DNM3: variants seen among roughly 807,000 people sequenced by gnomAD.
DNM3 encodes dynamin 3, also known as dynamin-3.
DNM3 carries 47 observed loss-of-function variants against 101.6 expected under a neutral mutation model. The observed-to-expected ratio is 0.46, with a 90% CI of 0.37 to 0.59. The LOEUF is 0.59. DNM3 is among the 20% of genes least tolerant of loss of function. DNM3 has a pLI of 0.00. For missense variants in DNM3, 849 were observed against 1,085.7 expected, an observed-to-expected ratio of 0.78 and a Z score of 3.06; for synonymous variants, 385 against 387.9, an observed-to-expected ratio of 0.99 and a Z score of 0.09.
intron 1 of DNM3, among the ~76,000 whole-genome samples, chr1:171,847,894 C>CTG (rs1234956839): frequency 5.2e-4 from 73 of 139,692 alleles, no homozygotes; most frequent in Non-Finnish European, 7.0e-4. Context: ...CTCTCTCTCT[C>CTG]TCTGTGTGTG....
At chr1:172,267,125 TAA>T (rs928997962) in intron 15 of DNM3, among the ~76,000 whole-genome samples, 4 of 152,244 alleles carry the variant, frequency 2.6e-5, no homozygotes, top group African/African-American at 9.6e-5. Flanking sequence ...AACACAATGA[TAA>T]GTTAAATAAT....
At chr1:172,237,211 C>T (rs1337662602) in intron 14 of DNM3, among the ~76,000 whole-genome samples, 1 of 152,080 alleles carries the variant, frequency 6.6e-6, no homozygotes, top group East Asian at 1.9e-4. Context: ...GATGAAAATG[C>T]TTTTGTATCT....
At chr1:172,179,741 A>G (rs1316406398) in intron 14 of DNM3, among the ~76,000 whole-genome samples, 1 of 151,958 alleles carries the variant, frequency 6.6e-6, no homozygotes, top group Non-Finnish European at 1.5e-5. Flanking sequence ...GATATAACCA[A>G]TAAGTACTGG....
At chr1:171,918,446 T>C (rs1182968268) in intron 1 of DNM3, among the ~76,000 whole-genome samples, 1 of 152,296 alleles carries the variant, frequency 6.6e-6, no homozygotes, top group Admixed American at 6.5e-5. Context: ...GTGCTGGGCA[T>C]ATGGTTTTCA....
chr1:171,935,159 A>G lies in DNM3; in HGVS notation c.235+13338A>G, dbSNP rs1195073398. 1.2e-4 allele frequency among the ~76,000 whole-genome samples: 18 copies of G among 152,092 alleles called. No homozygotes were observed. The East Asian group carries it at 3.5e-3, about 29-fold the overall frequency. The stretch of plus-strand genomic sequence containing the variant: ...TTTTAATGTAAAGGAGAATAAATAT[A>G]TAAATATTAAATATTATTTGGTTAA... On this transcript the variant is annotated intron_variant, in intron 2 of 20. Coordinates refer to ENST00000627582, the MANE Select transcript of DNM3 (RefSeq NM_015569.5).
intron 13 of DNM3, among the ~76,000 whole-genome samples, chr1:172,109,535 T>G (rs1011536340): frequency 6.6e-6 from 1 of 152,216 alleles, no homozygotes; most frequent in South Asian, 2.1e-4. Context: ...GCGTCTCCTC[T>G]TCCTGGAGTT....
intron 14 of DNM3, among the ~76,000 whole-genome samples, chr1:172,236,496 C>T (rs1253859911): frequency 1.3e-5 from 2 of 151,706 alleles, no homozygotes; most frequent in African/African-American, 2.4e-5. Flanking sequence ...AAAGAATCTG[C>T]GATTTATCAT....
chr1:172,280,774 T>C (rs1260908493), intron 15 of DNM3, among the ~76,000 whole-genome samples: 1 of 152,178 alleles, frequency 6.6e-6, no homozygotes, highest in Non-Finnish European at 1.5e-5. Context: ...GAAACTCAAA[T>C]TCATGAAAAT....
intron 15 of DNM3, among the ~76,000 whole-genome samples, chr1:172,274,322 G>C (rs1205917244): frequency 1.3e-5 from 2 of 152,022 alleles, no homozygotes; most frequent in Non-Finnish European, 2.9e-5. Flanking sequence ...AGGATTGAAA[G>C]GGGATGAAGA....
chr1:172,238,112 A>T (rs1264641938), intron 14 of DNM3, among the ~76,000 whole-genome samples: 1 of 152,178 alleles, frequency 6.6e-6, no homozygotes, highest in Admixed American at 6.6e-5. Flanking sequence ...ACTAAAATTG[A>T]ATGGTGGTGT....
Position 172,388,552 on chromosome 1 carries a change from A to G in DNM3, c.2286-21A>G, listed in dbSNP as rs764619963. ...GACAGAAAGGAGGAGTGAGCAAACT[A>G]TGATTTCTCTTTTTCCTCAGGTCAC... On this transcript the variant is annotated intron_variant, in intron 19 of 20. Coordinates refer to ENST00000627582, the MANE Select transcript of DNM3 (RefSeq NM_015569.5). 113 of 1,594,742 alleles carry G rather than the reference A, an allele frequency of 7.1e-5. 1 individual carries two copies. In the South Asian group the frequency reaches 1.2e-3, roughly 17 times the overall value.
At chr1:171,911,817 T>A (rs941513299) in intron 1 of DNM3, among the ~76,000 whole-genome samples, 1 of 152,118 alleles carries the variant, frequency 6.6e-6, no homozygotes, top group Non-Finnish European at 1.5e-5. Flanking sequence ...GTTCTCTTGC[T>A]GTTGCTTCTT....
At chr1:172,124,417 A>C (rs1231906637) in intron 13 of DNM3, among the ~76,000 whole-genome samples, 1 of 152,212 alleles carries the variant, frequency 6.6e-6, no homozygotes, top group African/African-American at 2.4e-5. Context: ...ACCCACCAGG[A>C]TATTTTTTAG....
At chr1:172,179,221 G>C (rs2059260788) in intron 14 of DNM3, among the ~76,000 whole-genome samples, 1 of 151,978 alleles carries the variant, frequency 6.6e-6, no homozygotes, top group Non-Finnish European at 1.5e-5. Context: ...TGATCTACAT[G>C]TAATGAAGTG....
chr1:172,041,999 A>C lies in DNM3; in HGVS notation c.993-10A>C. 1 of 1,570,236 alleles carries C rather than the reference A, an allele frequency of 6.4e-7. No individual in the cohort carries two copies. Among genetic ancestry groups the C allele is most frequent in the Non-Finnish European group, 8.6e-7 (1 of 1,164,298 alleles). On this transcript the variant is annotated splice_polypyrimidine_tract_variant and intron_variant, in intron 7 of 20. Transcript: ENST00000627582. ...TTTGACTTGAATCTATTTCTCTTTA[A>C]CAATTACAGGATGGTTCAGCAATTT... is the stretch of plus-strand genomic sequence containing the variant.
intron 15 of DNM3, among the ~76,000 whole-genome samples, chr1:172,278,025 C>T (rs924751874): frequency 7.9e-5 from 12 of 152,164 alleles, no homozygotes; most frequent in African/African-American, 2.9e-4. Context: ...AGATTCATTG[C>T]AAGGAAAACC....
At chr1:172,395,056 G>A (rs190227840) in intron 20 of DNM3, among the ~76,000 whole-genome samples, 3 of 152,086 alleles carry the variant, frequency 2.0e-5, no homozygotes, top group Admixed American at 2.0e-4. Flanking sequence ...CGACGTCAAC[G>A]ATTCATGGCA....
At chr1:172,069,882 G>A (rs1405003403) in intron 11 of DNM3, among the ~76,000 whole-genome samples, 1 of 152,172 alleles carries the variant, frequency 6.6e-6, no homozygotes, top group African/African-American at 2.4e-5. Flanking sequence ...GGAGGTGAGG[G>A]AGAAATGGGG....
At chr1:172,198,880 T>G (rs1279722706) in intron 14 of DNM3, among the ~76,000 whole-genome samples, 1 of 152,152 alleles carries the variant, frequency 6.6e-6, no homozygotes, top group Non-Finnish European at 1.5e-5. Flanking sequence ...ATTGTTCTTT[T>G]GAATGGTCTT....
Sources: allele counts gnomAD v4.1 joint callset (sites outside exome capture counted in the v4.1 genomes callset), GRCh38; gene constraint gnomAD v4.1.1; transcripts MANE v1.5; gene names NCBI Gene and HGNC (gene_info 2026-07-23, HGNC 2026-07-21).